Variants in KDM2B observed in about 807,000 individuals in gnomAD.
KDM2B encodes the protein lysine demethylase 2B.
KDM2B carries 26 observed loss-of-function variants against 150.0 expected under a neutral mutation model. The ratio of observed to expected loss-of-function variants is 0.17; its 90% confidence interval spans 0.13 to 0.24. The LOEUF is 0.24. Among genes scored for constraint, KDM2B ranks in the 10% least tolerant of loss-of-function variants. KDM2B has a pLI of 1.00. For synonymous variants in KDM2B, 734 were observed against 729.5 expected (o/e 1.01, Z -0.10); for missense variants, 1,265 against 1,816.9 (o/e 0.70, Z 5.52).
chr12:121,533,046 G>T lies in KDM2B; in HGVS notation c.778-87C>A. On this transcript the variant is annotated intron_variant, in intron 7 of 22. Coordinates refer to ENST00000377071, the MANE Select transcript of KDM2B (RefSeq NM_032590.5). The surrounding 1 kb of genome is among the most constrained non-coding windows in gnomAD (Gnocchi z 4.1). Reference sequence around the variant, plus strand: ...GCCCCACCTGCCTGGCGGAAGGGGAGGGGGCGAGACAAGCTGTGTGTGGGG... The same window carrying T: ...GCCCCACCTGCCTGGCGGAAGGGGATGGGGCGAGACAAGCTGTGTGTGGGG... The T allele has an allele frequency of 2.9e-6, 4 of 1,389,682 alleles. No individual in the cohort carries two copies. The highest frequency in any genetic ancestry group is 1.3e-5 in the South Asian group (1 of 79,786). 86.1% of individuals were successfully genotyped at this position (1,389,682 alleles called of 1,614,324 possible).
intron 1 of KDM2B, chr12:121,580,575 G>T: frequency 2.2e-6 from 2 of 923,512 alleles, no homozygotes; most frequent in Non-Finnish European, 3.0e-6. Context: ...GGCGGGGCAG[G>T]GAGGGAGGGA....
chr12:121,555,549 T>A (rs1031224245), intron 4 of KDM2B, among the ~76,000 whole-genome samples: 1 of 152,156 alleles, frequency 6.6e-6, no homozygotes, highest in Non-Finnish European at 1.5e-5. Context: ...ATATTTGTAT[T>A]TTTTGTAGGG....
chr12:121,538,167 C>T (rs1888314187), intron 6 of KDM2B, among the ~76,000 whole-genome samples: 1 of 151,914 alleles, frequency 6.6e-6, no homozygotes, highest in Non-Finnish European at 1.5e-5. Flanking sequence ...GCCAGGGAGG[C>T]GGAGGGAGGC....
At position 121,453,067 on chromosome 12, in the gene KDM2B, C is replaced by T. The variant is rs1364877576; in HGVS notation, c.1959+53G>A. ...AGCGAGCAGCGGTCAGACACGCGGG[C>T]CGGCACGCAGGGGCCTGAATCGAGC... On this transcript the variant is annotated intron_variant, in intron 13 of 22. Transcript: ENST00000377071. The surrounding 1 kb of genome is among the most constrained non-coding windows in gnomAD (Gnocchi z 6.4). 2.1e-5 allele frequency: 31 copies of T among 1,456,990 alleles called. No homozygotes were observed. Among genetic ancestry groups the T allele is most frequent in the Non-Finnish European group, 2.7e-5 (29 of 1,084,244 alleles). 90.3% of individuals were successfully genotyped at this position (1,456,990 alleles called of 1,614,324 possible).
In KDM2B at chr12:121,442,461, G is replaced by A; in HGVS notation, c.2980C>T (p.Pro994Ser). ...PKRPPGICER[P>S]HRFSKGLNGT... Reference sequence around the variant, plus strand: ...TTGAGCCCCTTGCTGAAGCGGTGGGGACGCTCGCAGATGCCCGGGGGCCGC... The same window carrying A: ...TTGAGCCCCTTGCTGAAGCGGTGGGAACGCTCGCAGATGCCCGGGGGCCGC... The change falls in exon 19 of 23, where the codon CCC becomes TCC. Residue 994 changes from proline to serine, a missense_variant. By Grantham distance (74) the Pro-to-Ser change is moderately conservative. Coordinates refer to ENST00000377071, the MANE Select transcript of KDM2B (RefSeq NM_032590.5). The surrounding 1 kb of genome is among the most constrained non-coding windows in gnomAD (Gnocchi z 7.7). The A allele has an allele frequency of 6.3e-7, 1 of 1,599,714 alleles. No individual in the cohort carries two copies. The highest frequency in any genetic ancestry group is 8.5e-7 in the Non-Finnish European group (1 of 1,179,702).
chr12:121,537,590 A>C lies in KDM2B; in HGVS notation c.684-3000T>G, dbSNP rs948851959. Reference sequence around the variant, plus strand: ...GCGGCAGGAGGGTTGCTGCACCTGCAGCACCAACTTTGGGGCGCTGCCTGG... The same window carrying C: ...GCGGCAGGAGGGTTGCTGCACCTGCCGCACCAACTTTGGGGCGCTGCCTGG... On this transcript the variant is annotated intron_variant, in intron 6 of 22. Transcript: ENST00000377071. This position sits in a 1 kb window ranked among gnomAD's most constrained non-coding sequence, Gnocchi z 8.7. The C allele has an allele frequency of 6.6e-6, 1 of 152,086 alleles. No homozygotes were observed. The highest frequency in any genetic ancestry group is 6.5e-5 in the Admixed American group (1 of 15,282). The allele number at this position is 152,086 out of a possible 1,614,324, so 9.4% of individuals were successfully genotyped here.
Position 121,520,409 on chromosome 12 carries a change from C to T in KDM2B, c.1047+576G>A, listed in dbSNP as rs782507591. Among the ~76,000 whole-genome samples, 2 of 152,074 alleles carry T rather than the reference C, an allele frequency of 1.3e-5. No individual in the cohort carries two copies. Among genetic ancestry groups the T allele is most frequent in the Admixed American group, 1.3e-4 (2 of 15,252 alleles). On this transcript the variant is annotated intron_variant, in intron 9 of 22. Coordinates refer to ENST00000377071, the MANE Select transcript of KDM2B (RefSeq NM_032590.5). The surrounding 1 kb of genome is among the most constrained non-coding windows in gnomAD (Gnocchi z 4.5). ...AACTTGACGTCTGGGAAACTAGCAC[C>T]GTCCCTGTCAAGGGCAGAGAAAAGC...
chr12:121,456,305 G>A (rs1878230689), intron 12 of KDM2B, among the ~76,000 whole-genome samples: 1 of 152,220 alleles, frequency 6.6e-6, no homozygotes, highest in African/African-American at 2.4e-5. Context: ...GCCAACAAGA[G>A]GTGCAGAGAA....
intron 12 of KDM2B, among the ~76,000 whole-genome samples, chr12:121,481,663 C>T (rs368033907): frequency 3.3e-5 from 5 of 152,272 alleles, no homozygotes; most frequent in African/African-American, 1.2e-4. Context: ...CATGGTAATG[C>T]CAAGCAATCG....
At position 121,467,333 on chromosome 12, in the gene KDM2B, C is replaced by A. The variant is rs1880174435; in HGVS notation, c.1735-13989G>T. On this transcript the variant is annotated intron_variant, in intron 12 of 22. Coordinates refer to ENST00000377071, the MANE Select transcript of KDM2B (RefSeq NM_032590.5). This position sits in a 1 kb window ranked among gnomAD's most constrained non-coding sequence, Gnocchi z 5.1. ...GCTCGGGCTCGGGCTCGGGCTCCCGCTGCCGCGAGGAGGGAGCCGCGCCGC... is the reference window on the plus strand; with the variant it reads ...GCTCGGGCTCGGGCTCGGGCTCCCGATGCCGCGAGGAGGGAGCCGCGCCGC... 18 of 982,286 alleles carry A rather than the reference C, an allele frequency of 1.8e-5. No individual in the cohort carries two copies. Among genetic ancestry groups the A allele is most frequent in the Non-Finnish European group, 1.9e-5 (16 of 828,866 alleles). 60.8% of individuals were successfully genotyped at this position (982,286 alleles called of 1,614,324 possible). A position where few individuals can be genotyped will look rare whatever the true frequency, so the allele number is the denominator to read the frequency against.
intron 12 of KDM2B, among the ~76,000 whole-genome samples, chr12:121,465,337 G>C (rs1360207091): frequency 1.3e-5 from 2 of 152,248 alleles, no homozygotes; most frequent in South Asian, 4.1e-4. Flanking sequence ...GGGTTCAAGC[G>C]ATTCTCCTGC....
intron 4 of KDM2B, among the ~76,000 whole-genome samples, chr12:121,559,626 T>C (rs567967362): frequency 5.3e-5 from 8 of 152,020 alleles, no homozygotes; most frequent in African/African-American, 7.2e-5. Flanking sequence ...CCAGGCCAGG[T>C]GCAGTGGCTC....
intron 12 of KDM2B, among the ~76,000 whole-genome samples, chr12:121,465,259 C>T (rs933561414): frequency 1.3e-4 from 20 of 152,338 alleles, no homozygotes; most frequent in African/African-American, 4.6e-4. Flanking sequence ...CAGAGTCTCA[C>T]TCTCGTCGCT....
At chr12:121,492,453 G>A (rs1220608421) in intron 12 of KDM2B, among the ~76,000 whole-genome samples, 3 of 151,558 alleles carry the variant, frequency 2.0e-5, no homozygotes, top group East Asian at 4.0e-4. Flanking sequence ...GATTACAGGC[G>A]CGTGCCACCA....
At chr12:121,567,769 G>A (rs1555315239) in intron 4 of KDM2B, among the ~76,000 whole-genome samples, 1 of 143,238 alleles carries the variant, frequency 7.0e-6, no homozygotes, top group African/African-American at 2.6e-5. Flanking sequence ...GGAGTATAGT[G>A]GTGCAATCTC....
At chr12:121,554,665 C>A (rs1302644412) in intron 4 of KDM2B, among the ~76,000 whole-genome samples, 1 of 152,148 alleles carries the variant, frequency 6.6e-6, no homozygotes, top group African/African-American at 2.4e-5. Flanking sequence ...CCTGCCTCAG[C>A]CTCCCAAAGT....
chr12:121,529,464 G>T (rs1272336813), intron 8 of KDM2B, among the ~76,000 whole-genome samples: 1 of 152,092 alleles, frequency 6.6e-6, no homozygotes, highest in East Asian at 1.9e-4. Flanking sequence ...TCAATTCTCT[G>T]CTTCAATACA....
the KDM2B span, chr12:121,417,794 T>C: frequency 3.1e-6 from 5 of 1,614,094 alleles, no homozygotes; most frequent in African/African-American, 2.7e-5. The surrounding 1 kb of genome is among the most constrained non-coding windows in gnomAD (Gnocchi z 5.0). Flanking sequence ...CCCAGACTTC[T>C]AGCTTTTTTA....
the KDM2B span, chr12:121,423,271 G>A: frequency 2.9e-6 from 2 of 679,860 alleles, no homozygotes; most frequent in South Asian, 1.9e-5. The surrounding 1 kb of genome is among the most constrained non-coding windows in gnomAD (Gnocchi z 4.3). Flanking sequence ...ACACTGGGGT[G>A]GCATTGGGCC....
Sources: allele counts gnomAD v4.1 joint callset (sites outside exome capture counted in the v4.1 genomes callset), GRCh38; gene constraint gnomAD v4.1.1; non-coding constraint Gnocchi (gnomAD v3.1); transcripts MANE v1.5; gene names NCBI Gene and HGNC (gene_info 2026-07-23, HGNC 2026-07-21).